Variants in XKR4 observed in about 807,000 individuals in gnomAD.
XKR4 encodes the protein XK related 4, also known as XK-related protein 4.
XKR4 carries 12 observed loss-of-function variants against 53.9 expected under a neutral mutation model. The ratio of observed to expected loss-of-function variants is 0.22; its 90% CI spans 0.14 to 0.36. The LOEUF (loss-of-function observed/expected upper bound fraction) is 0.36. Among genes scored for constraint, XKR4 ranks in the 10% least tolerant of loss-of-function variants. The pLI is 1.00. For synonymous variants in XKR4, 354 were observed against 362.4 expected (o/e 0.98, Z 0.26); for missense variants, 799 against 859.5 (o/e 0.93, Z 0.88).
At chr8:55,378,400 T>C (rs1258452444) in intron 2 of XKR4, among the ~76,000 whole-genome samples, 1 of 152,218 alleles carries the variant, frequency 6.6e-6, no homozygotes, top group East Asian at 1.9e-4. Context: ...TCTGATCTTA[T>C]ATTAAGAGCT....
At chr8:55,205,860 G>A (rs1401388705) in intron 1 of XKR4, among the ~76,000 whole-genome samples, 1 of 152,182 alleles carries the variant, frequency 6.6e-6, no homozygotes. Flanking sequence ...CCCTCGTGGT[G>A]AGTGTTAGGG....
intron 2 of XKR4, among the ~76,000 whole-genome samples, chr8:55,426,482 C>T (rs2976003): frequency 0.26 from 40,091 of 151,998 alleles, 6,175 homozygotes; most frequent in East Asian, 0.36. Context: ...ACATTTATCA[C>T]GGAACTTAAT....
chr8:55,481,911 G>T (rs566497243), intron 2 of XKR4, among the ~76,000 whole-genome samples: 81 of 152,292 alleles, frequency 5.3e-4, no homozygotes, highest in African/African-American at 1.9e-3. Flanking sequence ...TCCTGTAAAG[G>T]ATGTGGAGAA....
In XKR4 at chr8:55,165,819, GA is replaced by G. The variant is rs1054514131; in HGVS notation, c.806+62534del. Among the ~76,000 whole-genome samples the G allele has an allele frequency of 2.2e-3, 313 of 144,550 alleles. 1 individual carries two copies. Among genetic ancestry groups the G allele is most frequent in the African/African-American group, 7.4e-3 (287 of 39,024 alleles). The allele number at this position is 144,550 out of a possible 152,430, so 94.8% of individuals were successfully genotyped here. ...GACTCCGTCTCAAAAAAAAAAAAAAGAAAAAAAAAGAAAAAGAAAATTCATG... is the reference window on the plus strand; with the variant it reads ...GACTCCGTCTCAAAAAAAAAAAAAAGAAAAAAAAGAAAAAGAAAATTCATG... On this transcript the variant is annotated intron_variant, in intron 1 of 2. Coordinates refer to ENST00000327381, the MANE Select transcript of XKR4 (RefSeq NM_052898.2).
chr8:55,205,626 C>T (rs1426605687), intron 1 of XKR4, among the ~76,000 whole-genome samples: 1 of 152,108 alleles, frequency 6.6e-6, no homozygotes, highest in African/African-American at 2.4e-5. Context: ...GTTTAATTTC[C>T]ATTCTTTTGC....
intron 2 of XKR4, among the ~76,000 whole-genome samples, chr8:55,392,750 C>A (rs773452692): frequency 1.3e-5 from 2 of 152,150 alleles, no homozygotes; most frequent in Non-Finnish European, 2.9e-5. Flanking sequence ...GAGATTGAAC[C>A]ACTGCACTCC....
At chr8:55,113,757 C>T (rs539251443) in intron 1 of XKR4, among the ~76,000 whole-genome samples, 1 of 152,268 alleles carries the variant, frequency 6.6e-6, no homozygotes, top group Non-Finnish European at 1.5e-5. Flanking sequence ...TCTCCAGTGT[C>T]TGTTATTCCA....
At chr8:55,327,370 T>C (rs995097504) in intron 1 of XKR4, among the ~76,000 whole-genome samples, 5 of 152,162 alleles carry the variant, frequency 3.3e-5, no homozygotes, top group Non-Finnish European at 5.9e-5. Flanking sequence ...AAAAAAACTT[T>C]TTGTTTGGAT....
At chr8:55,431,149 T>G (rs1232626961) in intron 2 of XKR4, among the ~76,000 whole-genome samples, 1 of 152,242 alleles carries the variant, frequency 6.6e-6, no homozygotes, top group African/African-American at 2.4e-5. Flanking sequence ...GTAGTGGAAG[T>G]GGCTGGACCT....
At chr8:55,170,287 G>A (rs1255928484) in intron 1 of XKR4, among the ~76,000 whole-genome samples, 2 of 152,160 alleles carry the variant, frequency 1.3e-5, no homozygotes, top group African/African-American at 4.8e-5. Flanking sequence ...AAATAAGGTT[G>A]TGAATCAACT....
intron 2 of XKR4, among the ~76,000 whole-genome samples, chr8:55,407,728 C>T (rs1585559287): frequency 6.6e-6 from 1 of 152,232 alleles, no homozygotes; most frequent in East Asian, 1.9e-4. Context: ...AAAGACCGTT[C>T]CTAAGAAGGT....
chr8:55,430,398 A>G (rs1805084663), intron 2 of XKR4, among the ~76,000 whole-genome samples: 1 of 152,228 alleles, frequency 6.6e-6, no homozygotes, highest in Non-Finnish European at 1.5e-5. Flanking sequence ...GAAACAATCT[A>G]CATTTCCTTC....
At chr8:55,489,598 T>TA (rs35098167) in intron 2 of XKR4, among the ~76,000 whole-genome samples, 74 of 150,894 alleles carry the variant, frequency 4.9e-4, no homozygotes, top group Non-Finnish European at 9.5e-4. Flanking sequence ...TTTTGTTATT[T>TA]AAAAAAAAAG....
At position 55,524,068 on chromosome 8, in the gene XKR4, C is replaced by T. The variant is rs112000681; in HGVS notation, c.1794C>T (p.Asp598=). 2 of 1,614,122 alleles carry T rather than the reference C, an allele frequency of 1.2e-6. No homozygotes were observed. The highest frequency in any genetic ancestry group is 2.7e-5 in the African/African-American group (2 of 74,942). Residue 598 remains aspartate, a synonymous_variant, in exon 3 of 3, where the codon GAC becomes GAT. Transcript: ENST00000327381. ...TTGAAGAATCAGTCATTAAAATTGA[C>T]TTGTTCAGGAATAGGTACCCAGCAT... ...PRIEESVIKI[D]LFRNRYPAWE...
chr8:55,502,195 G>A lies in XKR4; in HGVS notation c.1007-21086G>A, dbSNP rs913289219. 2.0e-5 allele frequency among the ~76,000 whole-genome samples: 3 copies of A among 152,034 alleles called. No individual in the cohort carries two copies. In the East Asian group the frequency reaches 5.8e-4, roughly 29 times the overall value. Reference sequence around the variant, plus strand: ...TTTTTCAAATATATTTGAATCCATGGATGCAGAACCCATGGGCAAAGAGGG... The same window carrying A: ...TTTTTCAAATATATTTGAATCCATGAATGCAGAACCCATGGGCAAAGAGGG... On this transcript the variant is annotated intron_variant, in intron 2 of 2. Transcript: ENST00000327381.
In XKR4 at chr8:55,196,813, A is replaced by C. The variant is rs1296832958; in HGVS notation, c.806+93519A>C. ...TCTTTTAGGACAGCATAAAATGGAT[A>C]AAATGGACGAAATGAAGGATGACCC... is the stretch of plus-strand genomic sequence containing the variant. On this transcript the variant is annotated intron_variant, in intron 1 of 2. Coordinates refer to ENST00000327381, the MANE Select transcript of XKR4 (RefSeq NM_052898.2). Among the ~76,000 whole-genome samples, 3 of 152,204 alleles carry C rather than the reference A, an allele frequency of 2.0e-5. No individual in the cohort carries two copies. In the East Asian group the frequency reaches 5.8e-4, roughly 29 times the overall value.
chr8:55,124,567 A>C (rs1292571909), intron 1 of XKR4, among the ~76,000 whole-genome samples: 1 of 152,242 alleles, frequency 6.6e-6, no homozygotes, highest in Non-Finnish European at 1.5e-5. Context: ...CATTTTTAAA[A>C]TCACAATTCC....
chr8:55,172,455 T>A (rs1328257397), intron 1 of XKR4, among the ~76,000 whole-genome samples: 1 of 152,192 alleles, frequency 6.6e-6, no homozygotes, highest in African/African-American at 2.4e-5. Flanking sequence ...TATTTTCTTC[T>A]ACATCCTTTC....
At chr8:55,366,254 C>G (rs1414131091) in intron 2 of XKR4, among the ~76,000 whole-genome samples, 1 of 152,256 alleles carries the variant, frequency 6.6e-6, no homozygotes, top group African/African-American at 2.4e-5. Context: ...AGAGTCCCCC[C>G]TTTCGGGTGG....
Sources: allele counts gnomAD v4.1 joint callset (sites outside exome capture counted in the v4.1 genomes callset), GRCh38; gene constraint gnomAD v4.1.1; transcripts MANE v1.5; gene names NCBI Gene and HGNC (gene_info 2026-07-23, HGNC 2026-07-21).